TRDMT1: variants seen among roughly 807,000 people sequenced by gnomAD.
TRDMT1 encodes the protein tRNA aspartic acid methyltransferase 1.
A neutral mutation model predicts 51.2 loss-of-function variants in TRDMT1; 49 were observed. The observed-to-expected ratio is 0.96, with a 90% confidence interval of 0.76 to 1.21. The LOEUF (loss-of-function observed/expected upper bound fraction) is 1.21, where lower values mean the gene tolerates loss of function less well. Among genes scored for constraint, TRDMT1 ranks in the 50% most tolerant of loss-of-function variants. The pLI, the probability that TRDMT1 is intolerant of heterozygous loss-of-function variation, is 0.00. For synonymous variants in TRDMT1, 187 were observed against 164.6 expected, an observed-to-expected ratio of 1.14 and a Z score of -1.04; for missense variants, 534 against 462.3, an observed-to-expected ratio of 1.16 and a Z score of -1.42.
chr10:17,169,296 T>G (rs373596779), intron 2 of TRDMT1: 1 of 1,174,530 alleles, frequency 8.5e-7, no homozygotes. Flanking sequence ...TCTAGGAAAT[T>G]TTTAAATACC....
intron 1 of TRDMT1, 90 bp downstream of exon 1, chr10:17,201,481 T>TGTCCGCCCCTA: frequency 2.9e-6 from 4 of 1,373,242 alleles, no homozygotes; most frequent in Non-Finnish European, 4.0e-6. Flanking sequence ...GTCCGCCCCT[T>TGTCCGCCCCTA]GCGTCTCGCC....
At chr10:17,195,022 T>C (rs1845218508) in intron 1 of TRDMT1, among the ~76,000 whole-genome samples, 1 of 149,254 alleles carries the variant, frequency 6.7e-6, no homozygotes, top group Admixed American at 6.7e-5. Context: ...TTGATGGGAA[T>C]GTAAATAAAT....
chr10:17,140,685 T>C lies in TRDMT1; in HGVS notation c.*8355A>G, dbSNP rs1460156399. 1.3e-5 allele frequency among the ~76,000 whole-genome samples: 2 copies of C among 151,988 alleles called. No homozygotes were observed. The highest frequency in any genetic ancestry group is 2.1e-4 in the South Asian group (1 of 4,816). On this transcript the variant is annotated 3_prime_UTR_variant, in exon 11 of 11. Transcript: ENST00000377799. ...ACTGAGTGTTTTGAAAGAAAGAACA[T>C]TTTAAATGATAAAACTAATATTATG...
chr10:17,137,738 G>A lies in TRDMT1; in HGVS notation c.*11302C>T, dbSNP rs1837458618. On this transcript the variant is annotated 3_prime_UTR_variant, in exon 11 of 11. Transcript: ENST00000377799. ...CAGCTACTCAGGAGGCGAGGCTGAG[G>A]CAGGAGAATCGCTTGAACCCAGGAG... is the stretch of plus-strand genomic sequence containing the variant. Among the ~76,000 whole-genome samples the A allele has an allele frequency of 6.6e-6, 1 of 151,860 alleles. No homozygotes were observed. The highest frequency in any genetic ancestry group is 6.6e-5 in the Admixed American group (1 of 15,246).
chr10:17,164,046 C>G (rs1840800842), intron 3 of TRDMT1, among the ~76,000 whole-genome samples: 1 of 152,146 alleles, frequency 6.6e-6, no homozygotes, highest in Non-Finnish European at 1.5e-5. Context: ...GATACCAAAG[C>G]CTGGCAGAGA....
chr10:17,201,221 G>C (rs1181343201), intron 1 of TRDMT1: 1 of 239,810 alleles, frequency 4.2e-6, no homozygotes, highest in African/African-American at 2.3e-5. Context: ...CATGCTTCTC[G>C]GTGGCTGCAC....
At chr10:17,191,732 C>A (rs970122569) in intron 1 of TRDMT1, among the ~76,000 whole-genome samples, 1 of 152,236 alleles carries the variant, frequency 6.6e-6, no homozygotes, top group East Asian at 1.9e-4. Flanking sequence ...AGCACCATTG[C>A]GGGAGGAGGG....
intron 2 of TRDMT1, among the ~76,000 whole-genome samples, chr10:17,170,278 A>C (rs1189869083): frequency 1.3e-5 from 2 of 152,192 alleles, no homozygotes; most frequent in African/African-American, 2.4e-5. Context: ...AACCCTTCAC[A>C]ACTTATTTAA....
chr10:17,178,370 T>C (rs993850951), intron 1 of TRDMT1, among the ~76,000 whole-genome samples: 10 of 152,114 alleles, frequency 6.6e-5, no homozygotes, highest in Non-Finnish European at 1.3e-4. Context: ...TATTGTTTGG[T>C]TCTTTTTAAA....
Position 17,159,233 on chromosome 10 carries a change from T to C in TRDMT1, c.460-4A>G, listed in dbSNP as rs778729789. On this transcript the variant is annotated splice_region_variant and splice_polypyrimidine_tract_variant and intron_variant, in intron 6 of 10. Coordinates refer to ENST00000377799, the MANE Select transcript of TRDMT1 (RefSeq NM_004412.7). ...GCCTTGAATTTGGAATGCCAAGCTG[T>C]AAGCAAAGCAAAGCAGTTAGTTACT... The C allele has an allele frequency of 2.5e-6, 4 of 1,594,102 alleles. 1 individual carries two copies. In the Admixed American group the frequency reaches 7.0e-5, roughly 28 times the overall value.
rs1207927256 is a variant in TRDMT1, at chr10:17,182,144, G to GT, written c.65-7485dup. On this transcript the variant is annotated intron_variant, in intron 1 of 10. Coordinates refer to ENST00000377799, the MANE Select transcript of TRDMT1 (RefSeq NM_004412.7). ...AGAGTAGCTTGATCTTTCTTACCAC[G>GT]TTAAACCTTGGATGGAGATAAGTTC... 3.3e-5 allele frequency among the ~76,000 whole-genome samples: 5 copies of GT among 152,070 alleles called. No individual in the cohort carries two copies. The East Asian group carries it at 7.7e-4, about 23-fold the overall frequency.
chr10:17,151,626 C>G (rs1019659445), intron 10 of TRDMT1: 2 of 983,396 alleles, frequency 2.0e-6, no homozygotes, highest in African/African-American at 3.5e-5. Context: ...ATTTCAAAGG[C>G]TGTTTTTCTA....
At chr10:17,187,077 T>C (rs1211773829) in intron 1 of TRDMT1, among the ~76,000 whole-genome samples, 5 of 152,204 alleles carry the variant, frequency 3.3e-5, no homozygotes, top group African/African-American at 7.2e-5. Flanking sequence ...AGCATTGGTA[T>C]TGCCCAGTAG....
chr10:17,161,925 G>T (rs1311987709), intron 4 of TRDMT1, among the ~76,000 whole-genome samples: 2 of 152,234 alleles, frequency 1.3e-5, no homozygotes, highest in Non-Finnish European at 2.9e-5. Flanking sequence ...ACTATGAGCA[G>T]AGGCAGCAGA....
rs1837516370 is a variant in TRDMT1, at chr10:17,139,292, G to A, written c.*9748C>T. 1.0e-5 allele frequency: 8 copies of A among 802,340 alleles called. No homozygotes were observed. The highest frequency in any genetic ancestry group is 1.2e-4 in the East Asian group (1 of 8,068). 49.7% of individuals were successfully genotyped at this position (802,340 alleles called of 1,614,324 possible). A position where few individuals can be genotyped will look rare whatever the true frequency, so the allele number is the denominator to read the frequency against. On this transcript the variant is annotated 3_prime_UTR_variant, in exon 11 of 11. Coordinates refer to ENST00000377799, the MANE Select transcript of TRDMT1 (RefSeq NM_004412.7). ...TTAAATATTTAGACACCATTCATAC[G>A]ATAATCAAAGGAAAATGTCTGATTG... is the stretch of plus-strand genomic sequence containing the variant.
intron 10 of TRDMT1, among the ~76,000 whole-genome samples, chr10:17,149,901 G>T (rs1838464776): frequency 6.6e-6 from 1 of 152,058 alleles, no homozygotes. Context: ...CATTTGGATT[G>T]TATCTACTTT....
At chr10:17,149,395 A>C (rs987817787) in intron 10 of TRDMT1, among the ~76,000 whole-genome samples, 2 of 152,152 alleles carry the variant, frequency 1.3e-5, no homozygotes, top group Admixed American at 6.6e-5. Flanking sequence ...TAATATCCAC[A>C]GAACTCAGAG....
chr10:17,184,857 C>G (rs1353032081), intron 1 of TRDMT1, among the ~76,000 whole-genome samples: 1 of 152,024 alleles, frequency 6.6e-6, no homozygotes, highest in Non-Finnish European at 1.5e-5. Flanking sequence ...ATCTTAGGGA[C>G]AGTCTTATGG....
intron 6 of TRDMT1, 81 bp from the exon 7 acceptor site, chr10:17,159,310 C>T (rs988473319): frequency 7.3e-6 from 7 of 965,042 alleles, no homozygotes; most frequent in Middle Eastern, 2.2e-4. Context: ...TAAACAGCAA[C>T]AACAAAAAAC....
Sources: allele counts gnomAD v4.1 joint callset (sites outside exome capture counted in the v4.1 genomes callset), GRCh38; gene constraint gnomAD v4.1.1; transcripts MANE v1.5; gene names NCBI Gene and HGNC (gene_info 2026-07-23, HGNC 2026-07-21).